Variants in RASSF4 observed in about 807,000 individuals in gnomAD.
The protein encoded by RASSF4 is Ras association domain family member 4.
A neutral mutation model predicts 41.1 loss-of-function variants in RASSF4; 38 were observed. That is an observed-to-expected ratio of 0.92 (90% CI 0.71 to 1.21). The LOEUF (loss-of-function observed/expected upper bound fraction) is 1.21, where lower values mean the gene tolerates loss of function less well. Among genes scored for constraint, RASSF4 ranks in the 50% most tolerant of loss-of-function variants. The pLI, the probability that RASSF4 is intolerant of heterozygous loss-of-function variation, is 0.00. For missense variants in RASSF4, 414 were observed against 419.4 expected (o/e 0.99, Z 0.11); for synonymous variants, 179 against 163.4 (o/e 1.10, Z -0.73).
At chr10:44,988,537 G>A (rs1296746626) in intron 6 of RASSF4, among the ~76,000 whole-genome samples, 1 of 152,092 alleles carries the variant, frequency 6.6e-6, no homozygotes, top group Non-Finnish European at 1.5e-5. Context: ...TGTCATACGT[G>A]CGAGACAATG....
intron 1 of RASSF4, among the ~76,000 whole-genome samples, chr10:44,969,737 G>A (rs1841067566): frequency 6.6e-6 from 1 of 152,248 alleles, no homozygotes; most frequent in African/African-American, 2.4e-5. Context: ...TGCCAGGACA[G>A]CCAGTGATGG....
intron 5 of RASSF4, chr10:44,984,372 G>A: frequency 1.9e-6 from 1 of 535,160 alleles, no homozygotes; most frequent in Non-Finnish European, 3.3e-6. Flanking sequence ...CCCTGTGTGT[G>A]CTATGGGAAA....
rs1799467735 is a variant in RASSF4, at chr10:44,989,696, A to G, written c.660A>G (p.Ala220=). Residue 220 remains alanine (A), a synonymous_variant, in exon 8 of 11, where the codon GCA becomes GCG. Coordinates refer to ENST00000340258, the MANE Select transcript of RASSF4 (RefSeq NM_032023.4). ...TGGAAGATGGCCCCAGTGAGTTCGCACTCTACATCGTTCACGAGTCTGGGG... is the reference window on the plus strand; with the variant it reads ...TGGAAGATGGCCCCAGTGAGTTCGCGCTCTACATCGTTCACGAGTCTGGGG... ...FRVEDGPSEF[A]LYIVHESGER... The G allele has an allele frequency of 1.2e-6, 2 of 1,613,916 alleles. No homozygotes were observed. The highest frequency in any genetic ancestry group is 2.7e-5 in the African/African-American group (2 of 74,858).
At chr10:44,977,508 G>T in intron 3 of RASSF4, 1 of 1,613,382 alleles carries the variant, frequency 6.2e-7, no homozygotes, top group Non-Finnish European at 8.5e-7. Flanking sequence ...CAGCTTCTTA[G>T]GTCAGAGCTC....
intron 1 of RASSF4, among the ~76,000 whole-genome samples, chr10:44,965,862 G>A (rs571731563): frequency 2.0e-5 from 3 of 152,294 alleles, no homozygotes; most frequent in African/African-American, 4.8e-5. Context: ...CTCTGAGCAG[G>A]TGCCCCCAGC....
At chr10:44,968,601 T>G (rs1187078405) in intron 1 of RASSF4, among the ~76,000 whole-genome samples, 1 of 152,172 alleles carries the variant, frequency 6.6e-6, no homozygotes, top group Non-Finnish European at 1.5e-5. Flanking sequence ...GGCAGGTTTG[T>G]CACATTTGTG....
chr10:44,977,419 C>A, intron 3 of RASSF4: 2 of 1,597,506 alleles, frequency 1.3e-6, no homozygotes, highest in Non-Finnish European at 1.7e-6. Context: ...CCGGGAGGTG[C>A]GAGTAGAGTG....
At chr10:44,966,727 G>A (rs531242691) in intron 1 of RASSF4, among the ~76,000 whole-genome samples, 15 of 152,276 alleles carry the variant, frequency 9.9e-5, no homozygotes, top group Admixed American at 2.6e-4. Context: ...GTTAATGAGC[G>A]TATAGTGAGG....
At position 44,977,713 on chromosome 10, in the gene RASSF4, G is replaced by A. The variant is rs751631089; in HGVS notation, c.139-4808G>A. 9.9e-6 allele frequency: 16 copies of A among 1,611,586 alleles called. No homozygotes were observed. The Admixed American group carries it at 2.7e-4, about 27-fold the overall frequency. ...TTTCCTGGGACTCCCCAAAAAGCCA[G>A]TCCAGGGGGTCCACAGTATCAGCCA... On this transcript the variant is annotated intron_variant, in intron 3 of 10. Transcript: ENST00000340258.
At chr10:44,984,662 A>G in intron 5 of RASSF4, 151 bp from the exon 6 acceptor site, 1 of 860,096 alleles carries the variant, frequency 1.2e-6, no homozygotes, top group Non-Finnish European at 1.9e-6. Context: ...AGCTGGGAAT[A>G]TCCAGCCTCC....
chr10:44,977,053 C>G (rs1841463103), intron 3 of RASSF4: 1 of 201,432 alleles, frequency 5.0e-6, no homozygotes. Flanking sequence ...CAGTGGGCTC[C>G]TATATGCGGT....
chr10:44,991,960 TAAAAG>T lies in RASSF4; in HGVS notation c.866_870del (p.Lys289ArgfsTer50), dbSNP rs1564469739. ...GTGCTGGACAGTTTTGTTGAAAAAT[TAAAAG>T]AAGAGGAAGAAAGAGAAATAATCAA... On this transcript the variant is annotated frameshift_variant, in exon 10 of 11. Transcript: ENST00000340258. LOFTEE classifies it high-confidence loss of function. 7 of 1,613,326 alleles carry T rather than the reference TAAAAG, an allele frequency of 4.3e-6. No individual in the cohort carries two copies. Among genetic ancestry groups the T allele is most frequent in the Middle Eastern group, 1.6e-4 (1 of 6,062 alleles).
intron 5 of RASSF4, 102 bp downstream of exon 5, chr10:44,984,215 C>T (rs1841831743): frequency 8.2e-7 from 1 of 1,215,578 alleles, no homozygotes; most frequent in African/African-American, 1.5e-5. Flanking sequence ...CTTTGTGCCC[C>T]AGCCAACGAG....
intron 1 of RASSF4, among the ~76,000 whole-genome samples, chr10:44,966,842 T>G (rs1840921992): frequency 6.6e-6 from 1 of 152,172 alleles, no homozygotes; most frequent in Non-Finnish European, 1.5e-5. Context: ...ACCCCTAGCT[T>G]CTTATGACCC....
At chr10:44,993,132 T>G in intron 10 of RASSF4, 137 bp from the exon 11 acceptor site, 1 of 691,452 alleles carries the variant, frequency 1.4e-6, no homozygotes, top group Non-Finnish European at 2.5e-6. Flanking sequence ...GCCACAGCCT[T>G]CCCCCTCCTT....
Position 44,972,322 on chromosome 10 carries a change from G to A in RASSF4, c.138+474G>A, listed in dbSNP as rs577744094. On this transcript the variant is annotated intron_variant, in intron 3 of 10. Transcript: ENST00000340258. Reference sequence around the variant, plus strand: ...AAGTGGGGTGTGGGGCTACACAGGGGCTTATAGGCTCAGATGCTCACAGCA... The same window carrying A: ...AAGTGGGGTGTGGGGCTACACAGGGACTTATAGGCTCAGATGCTCACAGCA... Among the ~76,000 whole-genome samples, 22 of 152,330 alleles carry A rather than the reference G, an allele frequency of 1.4e-4. No individual in the cohort carries two copies. In the East Asian group the frequency reaches 3.7e-3, roughly 25 times the overall value.
At chr10:44,982,930 G>A (rs1841776802) in intron 4 of RASSF4, 1 of 680,846 alleles carries the variant, frequency 1.5e-6, no homozygotes, top group African/African-American at 1.8e-5. Context: ...GGCAAGAAGG[G>A]ACGACTACAG....
intron 10 of RASSF4, among the ~76,000 whole-genome samples, chr10:44,992,785 AC>A (rs1842165763): frequency 6.6e-6 from 1 of 152,060 alleles, no homozygotes; most frequent in South Asian, 2.1e-4. Context: ...GTGCAGCCAG[AC>A]CCCAAACAGG....
chr10:44,989,240 G>A (rs751850154), intron 6 of RASSF4, 34 bp from the exon 7 acceptor site: 2 of 1,421,812 alleles, frequency 1.4e-6, no homozygotes, highest in Admixed American at 3.4e-5. Context: ...TCCCCTCTGG[G>A]CCTGACCTGA....
Sources: gnomAD v4.1 joint callset for allele counts (sites outside exome capture counted in the v4.1 genomes callset) on GRCh38, gnomAD v4.1.1 for gene constraint, MANE v1.5 for transcripts, NCBI Gene and HGNC (gene_info 2026-07-23, HGNC 2026-07-21) for gene names.